The following WDR7 variants were observed in gnomAD, a reference collection of about 807,000 sequenced individuals.
WDR7 encodes WD repeat domain 7.
WDR7 carries 46 observed loss-of-function variants against 169.4 expected under a neutral mutation model. That is an observed-to-expected ratio of 0.27 (90% CI 0.21 to 0.35). WDR7 has a LOEUF of 0.35. WDR7 is among the 10% of genes least tolerant of loss of function. The probability of loss-of-function intolerance (pLI) is 1.00; values close to 1 mark genes in which losing one functional copy is unlikely to be tolerated. For missense variants in WDR7, 1,534 were observed against 1,859.3 expected, an observed-to-expected ratio of 0.83 and a Z score of 3.22; for synonymous variants, 612 against 666.8, an observed-to-expected ratio of 0.92 and a Z score of 1.27.
At chr18:56,692,562 A>AATATATAGAATTTGT (rs1396223293) in intron 9 of WDR7, among the ~76,000 whole-genome samples, 1 of 151,404 alleles carries the variant, frequency 6.6e-6, no homozygotes, top group Non-Finnish European at 1.5e-5. Context: ...GAATATTTTG[A>AATATATAGAATTTGT]ATATATAGAA....
intron 22 of WDR7, among the ~76,000 whole-genome samples, chr18:56,928,104 C>T (rs1483897931): frequency 6.6e-6 from 1 of 152,134 alleles, no homozygotes; most frequent in African/African-American, 2.4e-5. Flanking sequence ...GAGGAAAATG[C>T]TATTTTTAGC....
rs549081477 is a variant in WDR7 at position 56,994,674 on chromosome 18, G to A, written c.4165-26071G>A. ...TCTGTGCTTTTAAAATAAGTAGCAA[G>A]ATTTTCAGCATCCTATCTTGGTAAA... On this transcript the variant is annotated intron_variant, in intron 26 of 27. Transcript: ENST00000254442. 9.7e-4 allele frequency among the ~76,000 whole-genome samples: 148 copies of A among 152,336 alleles called. No homozygotes were observed. In the Middle Eastern group the frequency reaches 0.024, roughly 25 times the overall value.
At chr18:56,716,686 C>T (rs1431531296) in intron 12 of WDR7, among the ~76,000 whole-genome samples, 1 of 152,126 alleles carries the variant, frequency 6.6e-6, no homozygotes. Context: ...TCTGAGTTTC[C>T]AAAGTGTGTT....
intron 25 of WDR7, among the ~76,000 whole-genome samples, chr18:56,943,329 T>C (rs918114577): frequency 6.6e-5 from 10 of 152,024 alleles, no homozygotes; most frequent in Admixed American, 3.9e-4. Flanking sequence ...AAAATCTTTA[T>C]ATAGTTTTGT....
intron 22 of WDR7, among the ~76,000 whole-genome samples, chr18:56,931,483 TGCTGAATTTGCCA>T (rs2046883526): frequency 6.6e-6 from 1 of 152,208 alleles, no homozygotes; most frequent in Non-Finnish European, 1.5e-5. Flanking sequence ...TTTTTCTGCC[TGCTGAATTTGCCA>T]GCTACTTCAC....
chr18:56,675,181 G>T (rs1245095770), intron 2 of WDR7, among the ~76,000 whole-genome samples: 1 of 152,032 alleles, frequency 6.6e-6, no homozygotes, highest in Non-Finnish European at 1.5e-5. Flanking sequence ...TCTTTTTCAA[G>T]ATTGTTTTGG....
intron 1 of WDR7, among the ~76,000 whole-genome samples, chr18:56,660,959 G>A (rs2024892673): frequency 6.6e-6 from 1 of 152,180 alleles, no homozygotes; most frequent in South Asian, 2.1e-4. Flanking sequence ...TATTTCCTCA[G>A]AGTTTAAAAT....
rs865972061 is a variant in WDR7 at position 56,713,127 on chromosome 18, G to A, written c.1579-4837G>A. Among the ~76,000 whole-genome samples the A allele has an allele frequency of 5.3e-5, 8 of 152,130 alleles. No individual in the cohort carries two copies. In the South Asian group the frequency reaches 1.0e-3, roughly 20 times the overall value. ...AATATGGATGGGAGATATTTCTAATGAAAAATCTCTTCATCGGCTATATTA... is the reference window on the plus strand; with the variant it reads ...AATATGGATGGGAGATATTTCTAATAAAAAATCTCTTCATCGGCTATATTA... On this transcript the variant is annotated intron_variant, in intron 12 of 27. Transcript: ENST00000254442.
chr18:56,745,356 A>G (rs1406367298), intron 14 of WDR7, among the ~76,000 whole-genome samples: 1 of 152,200 alleles, frequency 6.6e-6, no homozygotes, highest in Non-Finnish European at 1.5e-5. Context: ...TAATAGTGTG[A>G]CATCTAATTA....
chr18:56,746,172 A>ACT (rs1167902905), intron 14 of WDR7, among the ~76,000 whole-genome samples: 1 of 152,202 alleles, frequency 6.6e-6, no homozygotes, highest in African/African-American at 2.4e-5. Flanking sequence ...AGTGGTTGTG[A>ACT]CTGAAATTCT....
chr18:56,778,307 G>T (rs967661024), intron 17 of WDR7, among the ~76,000 whole-genome samples: 2 of 152,018 alleles, frequency 1.3e-5, no homozygotes, highest in Non-Finnish European at 2.9e-5. Context: ...ATTTTAAGAA[G>T]ATTACAGTTT....
chr18:56,916,583 A>C (rs1045370878), intron 21 of WDR7, among the ~76,000 whole-genome samples: 4 of 152,208 alleles, frequency 2.6e-5, no homozygotes, highest in Non-Finnish European at 5.9e-5. Flanking sequence ...CTAGTTTTAC[A>C]ACTTTTAAAA....
At chr18:56,849,159 C>G (rs1010790068) in intron 20 of WDR7, among the ~76,000 whole-genome samples, 2 of 152,134 alleles carry the variant, frequency 1.3e-5, no homozygotes, top group African/African-American at 4.8e-5. Context: ...TTTAGCCATT[C>G]ATTCCTTCTA....
At chr18:56,990,412 C>T (rs927394018) in intron 26 of WDR7, among the ~76,000 whole-genome samples, 2 of 152,178 alleles carry the variant, frequency 1.3e-5, no homozygotes, top group South Asian at 2.1e-4. Flanking sequence ...TCCACCTTTA[C>T]GTTTCATTTT....
chr18:56,902,972 G>A (rs139515894), intron 21 of WDR7, among the ~76,000 whole-genome samples: 1,742 of 152,222 alleles, frequency 0.011, 38 homozygotes, highest in African/African-American at 0.037. Context: ...TGCTTACGTG[G>A]TTGCCCTCCT....
At chr18:56,700,252 C>CTTTTCTT (rs2025794518) in intron 12 of WDR7, among the ~76,000 whole-genome samples, 3 of 67,250 alleles carry the variant, frequency 4.5e-5, no homozygotes, top group African/African-American at 6.1e-5. Flanking sequence ...TTTTCATTTT[C>CTTTTCTT]TTTTTTTTTT....
chr18:56,696,564 C>A, intron 12 of WDR7, 102 bp downstream of exon 12: 1 of 1,018,130 alleles, frequency 9.8e-7, no homozygotes, highest in Non-Finnish European at 1.4e-6. Flanking sequence ...GGAAGTGTGA[C>A]AAGATAATTA....
intron 21 of WDR7, among the ~76,000 whole-genome samples, chr18:56,901,127 T>C (rs554905674): frequency 1.4e-3 from 217 of 152,292 alleles, no homozygotes; most frequent in African/African-American, 4.9e-3. Flanking sequence ...GGGCTAGGCA[T>C]GATGGCTCAT....
intron 20 of WDR7, among the ~76,000 whole-genome samples, chr18:56,841,258 A>T (rs965640511): frequency 6.6e-6 from 1 of 151,488 alleles, no homozygotes; most frequent in African/African-American, 2.4e-5. Context: ...AATAAAGGGA[A>T]TGGCTGGGCG....
Sources: gnomAD v4.1 joint callset for allele counts (sites outside exome capture counted in the v4.1 genomes callset) on GRCh38, gnomAD v4.1.1 for gene constraint, MANE v1.5 for transcripts, NCBI Gene and HGNC (gene_info 2026-07-23, HGNC 2026-07-21) for gene names.